The following BEND3 variants were observed in gnomAD, a reference collection of about 807,000 sequenced individuals.
BEND3 encodes the protein BEN domain-containing protein 3.
BEND3 carries 13 observed loss-of-function variants against 60.1 expected under a neutral mutation model. The ratio of observed to expected loss-of-function variants is 0.22; its 90% CI spans 0.14 to 0.34. The LOEUF (loss-of-function observed/expected upper bound fraction) is 0.34. Among genes scored for constraint, BEND3 ranks in the 10% least tolerant of loss-of-function variants. The pLI, the probability that BEND3 is intolerant of heterozygous loss-of-function variation, is 1.00. For synonymous variants in BEND3, 497 were observed against 491.5 expected (o/e 1.01, Z -0.15); for missense variants, 896 against 1,138.1 (o/e 0.79, Z 3.06).
At chr6:107,079,258 C>G (rs1277914411) in intron 3 of BEND3, among the ~76,000 whole-genome samples, 1 of 152,170 alleles carries the variant, frequency 6.6e-6, no homozygotes, top group Non-Finnish European at 1.5e-5. Flanking sequence ...AGGGGAAATT[C>G]ATTTTCCTTC....
chr6:107,076,201 C>T (rs1412119525), intron 3 of BEND3, among the ~76,000 whole-genome samples: 5 of 152,162 alleles, frequency 3.3e-5, no homozygotes, highest in Non-Finnish European at 7.3e-5. Flanking sequence ...GGGCTGGCTG[C>T]GTTTGTGGCT....
intron 1 of BEND3, among the ~76,000 whole-genome samples, chr6:107,110,366 T>C (rs1775914813): frequency 1.3e-5 from 2 of 152,154 alleles, no homozygotes; most frequent in South Asian, 2.1e-4. Flanking sequence ...TAGTTTGACA[T>C]GTGTGGGGAA....
chr6:107,089,087 G>A (rs1450000069), intron 3 of BEND3, among the ~76,000 whole-genome samples: 3 of 151,010 alleles, frequency 2.0e-5, no homozygotes, highest in East Asian at 2.0e-4. Context: ...TGAAGTTGCC[G>A]AGATCGCCCC....
At chr6:107,073,233 A>G (rs1354075252) in intron 3 of BEND3, among the ~76,000 whole-genome samples, 8 of 17,400 alleles carry the variant, frequency 4.6e-4, no homozygotes, top group South Asian at 1.5e-3. Context: ...ATATATATAT[A>G]TATATATATA....
chr6:107,078,402 G>A (rs1282759697), intron 3 of BEND3, among the ~76,000 whole-genome samples: 4 of 151,630 alleles, frequency 2.6e-5, no homozygotes, highest in Non-Finnish European at 5.9e-5. Flanking sequence ...GTAGAGGGAG[G>A]CAGCTGAATG....
intron 1 of BEND3, among the ~76,000 whole-genome samples, chr6:107,105,634 G>T (rs576104777): frequency 6.6e-6 from 1 of 152,304 alleles, no homozygotes; most frequent in South Asian, 2.1e-4. Flanking sequence ...GCTGCCAGAG[G>T]CCTGTGGGCC....
rs548712029 is a variant in BEND3, at chr6:107,113,768, A to C, written c.-12+1322T>G. The stretch of plus-strand genomic sequence containing the variant: ...TATCTAGGGATGAATGGTTTAAAAA[A>C]AAAAGAGAGAAAAACGGACTGCAAG... On this transcript the variant is annotated intron_variant, in intron 1 of 3. Transcript: ENST00000369042. 3.5e-4 allele frequency: 53 copies of C among 152,118 alleles called. 2 individuals are homozygous for C. 9.4% of individuals were successfully genotyped at this position (152,118 alleles called of 1,614,324 possible). A position where few individuals can be genotyped will look rare whatever the true frequency, so the allele number is the denominator to read the frequency against.
At chr6:107,093,838 A>G (rs56283859) in intron 3 of BEND3, among the ~76,000 whole-genome samples, 1,876 of 152,332 alleles carry the variant, frequency 0.012, 43 homozygotes, top group African/African-American at 0.043. Flanking sequence ...TTTGGCAGTA[A>G]CTTTTTAGAT....
At chr6:107,110,623 C>T (rs1472365482) in intron 1 of BEND3, among the ~76,000 whole-genome samples, 1 of 152,072 alleles carries the variant, frequency 6.6e-6, no homozygotes, top group African/African-American at 2.4e-5. Context: ...CAGTGTGGCA[C>T]GATCTTGGCT....
At chr6:107,087,977 A>AAC (rs575736385) in intron 3 of BEND3, among the ~76,000 whole-genome samples, 91 of 150,660 alleles carry the variant, frequency 6.0e-4, no homozygotes, top group African/African-American at 2.0e-3. Flanking sequence ...GATAAAAAAA[A>AAC]AAAAAACACT....
chr6:107,078,341 G>C (rs1279446695), intron 3 of BEND3, among the ~76,000 whole-genome samples: 1 of 151,882 alleles, frequency 6.6e-6, no homozygotes, highest in Admixed American at 6.6e-5. Flanking sequence ...GTCCTCAAGG[G>C]CATCAGGTGG....
Position 107,069,416 on chromosome 6 carries a change from C to T in BEND3, c.1775G>A (p.Arg592His), listed in dbSNP as rs782148186. Residue 592 changes from arginine to histidine, a missense_variant, in exon 4 of 4, where the codon CGC becomes CAC. This residue lies in a region of BEND3 where 846 missense variants were observed against 1,036.7 expected (regional missense o/e 0.82). Transcript: ENST00000369042. Reference protein sequence around the residue: ...FPELFTHENLRKQYNCSGSLG... With the variant: ...FPELFTHENLHKQYNCSGSLG... ...GGAGCCGCTGCAGTTGTACTGCTTG[C>T]GCAGGTTCTCGTGCGTGAAGAGCTC... 3.1e-6 allele frequency: 5 copies of T among 1,612,498 alleles called. No individual in the cohort carries two copies. In the Admixed American group the frequency reaches 5.0e-5, roughly 16 times the overall value.
At chr6:107,094,302 A>G (rs567667965) in intron 3 of BEND3, among the ~76,000 whole-genome samples, 10 of 152,236 alleles carry the variant, frequency 6.6e-5, no homozygotes, top group African/African-American at 2.2e-4. Flanking sequence ...GATTCTCCAC[A>G]TCATATGTTG....
chr6:107,074,700 C>T (rs782429758), intron 3 of BEND3, among the ~76,000 whole-genome samples: 3 of 152,090 alleles, frequency 2.0e-5, no homozygotes, highest in Non-Finnish European at 4.4e-5. Flanking sequence ...GAAAAGAAAA[C>T]ATATACACAC....
rs1554236382 is a variant in BEND3 at position 107,098,756 on chromosome 6, G to A, written c.38-3C>T. On this transcript the variant is annotated splice_polypyrimidine_tract_variant and splice_region_variant and intron_variant, in intron 2 of 3. Transcript: ENST00000369042. ...TTTCACAGTGATACTTTTTAGAACT[G>A]TGTCAGAGAAGAAATAGGGCTCAGT... The A allele has an allele frequency of 6.2e-6, 10 of 1,613,186 alleles. No individual in the cohort carries two copies. Among genetic ancestry groups the A allele is most frequent in the African/African-American group, 1.3e-5 (1 of 74,928 alleles).
intron 3 of BEND3, among the ~76,000 whole-genome samples, chr6:107,080,175 T>C (rs1157420619): frequency 4.0e-5 from 6 of 151,490 alleles, no homozygotes; most frequent in African/African-American, 7.3e-5. Flanking sequence ...GGTGGGCAGA[T>C]TGCTTGAGCC....
At chr6:107,073,243 ATATATATATATATATATATATGTATG>A (rs1775027404) in intron 3 of BEND3, among the ~76,000 whole-genome samples, 2 of 21,680 alleles carry the variant, frequency 9.2e-5, no homozygotes, top group African/African-American at 2.8e-4. Flanking sequence ...ATATATATAT[ATATATATATATATATATATATGTATG>A]TGAGCAAATG....
intron 3 of BEND3, among the ~76,000 whole-genome samples, chr6:107,092,913 C>G (rs1775507202): frequency 6.6e-6 from 1 of 151,996 alleles, no homozygotes; most frequent in Non-Finnish European, 1.5e-5. Context: ...AAGTTATAAA[C>G]CTAACAAAAT....
intron 3 of BEND3, among the ~76,000 whole-genome samples, chr6:107,075,441 T>C (rs1340712558): frequency 1.3e-5 from 2 of 152,184 alleles, no homozygotes; most frequent in African/African-American, 4.8e-5. Context: ...TGGAAAACCA[T>C]TGCCCTAACA....
Sources: gnomAD v4.1 joint callset for allele counts (sites outside exome capture counted in the v4.1 genomes callset) on GRCh38, gnomAD v4.1.1 for gene constraint, gnomAD v4.1.1 regional missense constraint, MANE v1.5 for transcripts, NCBI Gene and HGNC (gene_info 2026-07-23, HGNC 2026-07-21) for gene names.